MYT1: variants seen among roughly 807,000 people sequenced by gnomAD.
MYT1 encodes myelin transcription factor 1.
In MYT1, 23 loss-of-function variants were observed where a neutral mutation model predicts 123.0. The ratio of observed to expected loss-of-function variants is 0.19; its 90% CI spans 0.13 to 0.26. MYT1 has a LOEUF of 0.26. Among genes scored for constraint, MYT1 ranks in the 10% least tolerant of loss-of-function variants. The pLI, the probability that MYT1 is intolerant of heterozygous loss-of-function variation, is 1.00. For missense variants in MYT1, 1,125 were observed against 1,472.5 expected (o/e 0.76, Z 3.86); for synonymous variants, 518 against 575.3 (o/e 0.90, Z 1.43).
chr20:64,238,430 A>G (rs1456905268), intron 21 of MYT1, among the ~76,000 whole-genome samples: 1 of 152,194 alleles, frequency 6.6e-6, no homozygotes, highest in Admixed American at 6.5e-5. Context: ...CTCTACTGGC[A>G]AACAGGCTCA....
chr20:64,232,322 C>A lies in MYT1; in HGVS notation c.2834C>A (p.Thr945Asn). ...SWKSLKNEGP[T>N]CPTPGCDGSG... is the part of the protein sequence containing the mutation. Reference sequence around the variant, plus strand: ...AAGTCCCTGAAGAATGAAGGACCGACCTGCCCCACCCCGGGCTGTGACGGC... The same window carrying A: ...AAGTCCCTGAAGAATGAAGGACCGAACTGCCCCACCCCGGGCTGTGACGGC... Residue 945 changes from threonine (T) to asparagine (N), a missense_variant, in exon 19 of 23, where the codon ACC becomes AAC. Physicochemically the swap from Thr to Asn is moderately conservative, Grantham distance 65. Transcript: ENST00000328439. The surrounding 1 kb of genome is among the most constrained non-coding windows in gnomAD (Gnocchi z 6.9). 5 of 1,613,044 alleles carry A rather than the reference C, an allele frequency of 3.1e-6. No individual in the cohort carries two copies. The highest frequency in any genetic ancestry group is 4.2e-6 in the Non-Finnish European group (5 of 1,180,006).
intron 1 of MYT1, among the ~76,000 whole-genome samples, chr20:64,170,485 C>G (rs867584219): frequency 2.6e-5 from 4 of 152,082 alleles, no homozygotes; most frequent in African/African-American, 9.7e-5. Flanking sequence ...TGGAAGGACA[C>G]TTGTGTTGGG....
chr20:64,228,045 A>G (rs1177488292), intron 18 of MYT1, 74 bp downstream of exon 18: 1 of 1,404,346 alleles, frequency 7.1e-7, no homozygotes, highest in Non-Finnish European at 9.9e-7. Flanking sequence ...ATGTAAAAAA[A>G]CTCCTACTAG....
At position 64,205,644 on chromosome 20, in the gene MYT1, C is replaced by T; in HGVS notation, c.241C>T (p.Leu81=). ...CAAGAGGAAGTCACACCCCCTGAAG[C>T]TGGCTCTGGACGAGGGCTATGGTGT... is the stretch of plus-strand genomic sequence containing the variant. ...VSKRKSHPLK[L]ALDEGYGVDS... is the part of the protein sequence containing the mutation. The change falls in exon 6 of 23, where the codon CTG becomes TTG. Residue 81 remains leucine, a synonymous_variant. Transcript: ENST00000328439. 2.5e-6 allele frequency: 4 copies of T among 1,614,204 alleles called. No homozygotes were observed. The highest frequency in any genetic ancestry group is 3.4e-6 in the Non-Finnish European group (4 of 1,180,032).
chr20:64,236,337 C>T (rs867874599), intron 19 of MYT1, among the ~76,000 whole-genome samples: 15 of 129,636 alleles, frequency 1.2e-4, no homozygotes, highest in East Asian at 9.2e-4. Flanking sequence ...CTGGGCTGGC[C>T]GCGGTGGGTG....
chr20:64,170,303 G>A (rs1020064604), intron 1 of MYT1, among the ~76,000 whole-genome samples: 1 of 152,152 alleles, frequency 6.6e-6, no homozygotes, highest in Non-Finnish European at 1.5e-5. Flanking sequence ...TCTCTGCTGT[G>A]ACATTGCATC....
At chr20:64,239,117 C>A (rs564167367) in intron 21 of MYT1, among the ~76,000 whole-genome samples, 1 of 152,228 alleles carries the variant, frequency 6.6e-6, no homozygotes, top group African/African-American at 2.4e-5. Flanking sequence ...AGGCTGGGGG[C>A]TATTCCTGGA....
At chr20:64,219,574 G>A (rs1023239433) in intron 12 of MYT1, 139 bp from the exon 13 acceptor site, 24 of 741,626 alleles carry the variant, frequency 3.2e-5, no homozygotes, top group Middle Eastern at 5.4e-4. Context: ...TTTCCCTCTC[G>A]CTGCCTGTCT....
chr20:64,179,268 G>A (rs550922202), intron 1 of MYT1, among the ~76,000 whole-genome samples: 2 of 152,124 alleles, frequency 1.3e-5, no homozygotes, highest in East Asian at 3.9e-4. Context: ...TTATTCGGTG[G>A]GATGCCCTTC....
intron 1 of MYT1, among the ~76,000 whole-genome samples, chr20:64,188,752 A>G (rs1004291040): frequency 6.6e-6 from 1 of 152,198 alleles, no homozygotes; most frequent in Non-Finnish European, 1.5e-5. Context: ...ATGGGAACCC[A>G]GGAGGCCTAG....
chr20:64,173,054 C>T (rs1352871796), intron 1 of MYT1, among the ~76,000 whole-genome samples: 1 of 152,112 alleles, frequency 6.6e-6, no homozygotes, highest in Non-Finnish European at 1.5e-5. Context: ...TCTTATCTTG[C>T]ATCTGGAATA....
chr20:64,177,961 G>T (rs796095294), intron 1 of MYT1, among the ~76,000 whole-genome samples: 8 of 152,250 alleles, frequency 5.3e-5, no homozygotes, highest in African/African-American at 1.7e-4. Flanking sequence ...GCCGGCACCT[G>T]CCCAGCCAGC....
At position 64,232,987 on chromosome 20, in the gene MYT1, C is replaced by T. The variant is rs1984367669; in HGVS notation, c.2897+602C>T. 6.6e-6 allele frequency among the ~76,000 whole-genome samples: 1 copy of T among 151,806 alleles called. No homozygotes were observed. Among genetic ancestry groups the T allele is most frequent in the Admixed American group, 6.6e-5 (1 of 15,264 alleles). ...AGCCGAAGGACCTTGCTTCACCAGC[C>T]CCACTTCCTGTCTGTGTCCTATGGT... On this transcript the variant is annotated intron_variant, in intron 19 of 22. Coordinates refer to ENST00000328439, the MANE Select transcript of MYT1 (RefSeq NM_004535.3). The surrounding 1 kb of genome is among the most constrained non-coding windows in gnomAD (Gnocchi z 6.9).
intron 4 of MYT1, among the ~76,000 whole-genome samples, chr20:64,201,382 T>C (rs1002517160): frequency 1.2e-4 from 19 of 152,234 alleles, no homozygotes; most frequent in Non-Finnish European, 2.8e-4. Flanking sequence ...AGTGAGACCC[T>C]TAAACTTTTT....
Position 64,212,913 on chromosome 20 carries a change from G to C in MYT1, c.1518-621G>C, listed in dbSNP as rs574446696. On this transcript the variant is annotated intron_variant, in intron 9 of 22. Coordinates refer to ENST00000328439, the MANE Select transcript of MYT1 (RefSeq NM_004535.3). The surrounding 1 kb of genome is among the most constrained non-coding windows in gnomAD (Gnocchi z 6.8). ...TGAAAGGACTGCCAGAGCTTTTGAGGTCACTTCATTTGAAAAGAGGCCAGT... is the reference window on the plus strand; with the variant it reads ...TGAAAGGACTGCCAGAGCTTTTGAGCTCACTTCATTTGAAAAGAGGCCAGT... Among the ~76,000 whole-genome samples the C allele has an allele frequency of 2.6e-5, 4 of 152,194 alleles. No homozygotes were observed. Among genetic ancestry groups the C allele is most frequent in the Admixed American group, 2.6e-4 (4 of 15,278 alleles).
chr20:64,207,906 C>T lies in MYT1; in HGVS notation c.710C>T (p.Pro237Leu). 2 of 1,612,588 alleles carry T rather than the reference C, an allele frequency of 1.2e-6. No individual in the cohort carries two copies. Among genetic ancestry groups the T allele is most frequent in the Non-Finnish European group, 1.7e-6 (2 of 1,179,634 alleles). ...ACCGAGCGCTCCCAGGACCTGTGTC[C>T]CCAGTCCCTGGAGGATGCAGCCAGT... The part of the protein sequence containing the change: ...VTTERSQDLC[P>L]QSLEDAASEE... Residue 237 changes from proline (P) to leucine (L), a missense_variant, in exon 7 of 23, where the codon CCC (proline) becomes CTC (leucine). Pro to Leu is a moderately conservative substitution (Grantham distance 98, BLOSUM62 -3). Around this residue, in one of 4 missense-constraint regions of MYT1, gnomAD observed 406 missense variants for 432.2 expected, o/e 0.94. Coordinates refer to ENST00000328439, the MANE Select transcript of MYT1 (RefSeq NM_004535.3).
chr20:64,187,972 C>T (rs937161178), intron 1 of MYT1, among the ~76,000 whole-genome samples: 3 of 152,192 alleles, frequency 2.0e-5, no homozygotes, highest in African/African-American at 7.2e-5. Context: ...TTTGGAGGAG[C>T]AGTTGATCCC....
chr20:64,188,278 G>C (rs1268191121), intron 1 of MYT1, among the ~76,000 whole-genome samples: 1 of 152,156 alleles, frequency 6.6e-6, no homozygotes, highest in African/African-American at 2.4e-5. Context: ...AGTCGCACTC[G>C]GGAGAGGCAG....
chr20:64,237,042 G>A (rs1317122589), intron 20 of MYT1, among the ~76,000 whole-genome samples: 2 of 152,166 alleles, frequency 1.3e-5, no homozygotes, highest in African/African-American at 4.8e-5. Context: ...AGAGATTTAA[G>A]CCTTTCCACC....
Sources: gnomAD v4.1 joint callset for allele counts (sites outside exome capture counted in the v4.1 genomes callset) on GRCh38, gnomAD v4.1.1 for gene constraint, gnomAD v4.1.1 regional missense constraint, Gnocchi (gnomAD v3.1) non-coding constraint, MANE v1.5 for transcripts, NCBI Gene and HGNC (gene_info 2026-07-23, HGNC 2026-07-21) for gene names.